Variants in ZBTB16 observed in about 807,000 individuals in gnomAD.
The protein encoded by ZBTB16 is zinc finger and BTB domain containing 16.
A neutral mutation model predicts 56.8 loss-of-function variants in ZBTB16; 8 were observed. The ratio of observed to expected loss-of-function variants is 0.14; its 90% CI spans 0.08 to 0.25. ZBTB16 has a LOEUF of 0.25. Among genes scored for constraint, ZBTB16 ranks in the 10% least tolerant of loss-of-function variants. The pLI, the probability that ZBTB16 is intolerant of heterozygous loss-of-function variation, is 1.00. For missense variants in ZBTB16, 625 were observed against 903.0 expected (o/e 0.69, Z 3.95); for synonymous variants, 363 against 368.5 (o/e 0.98, Z 0.17).
chr11:114,156,196 G>A (rs930783926), intron 2 of ZBTB16, 141 bp from the exon 3 acceptor site: 1 of 773,142 alleles, frequency 1.3e-6, no homozygotes, highest in Non-Finnish European at 2.2e-6. Context: ...AGGATCCAGG[G>A]ATGTGTTTCC....
At chr11:114,242,977 G>C (rs1056756329) in intron 5 of ZBTB16, among the ~76,000 whole-genome samples, 1 of 152,178 alleles carries the variant, frequency 6.6e-6, no homozygotes, top group African/African-American at 2.4e-5. Context: ...ACAAGGTAAG[G>C]AGGCTGGGCC....
chr11:114,098,323 C>T (rs989497640), intron 2 of ZBTB16, among the ~76,000 whole-genome samples: 6 of 152,028 alleles, frequency 3.9e-5, no homozygotes, highest in Admixed American at 2.0e-4. Flanking sequence ...AAGGTAGGGG[C>T]GCACTATATA....
At chr11:114,114,336 A>G (rs1283070982) in intron 2 of ZBTB16, among the ~76,000 whole-genome samples, 9 of 152,214 alleles carry the variant, frequency 5.9e-5, no homozygotes, top group Admixed American at 5.9e-4. Context: ...GGGAGGGACC[A>G]CCGGGCTTCA....
chr11:114,165,688 G>A (rs546862377), intron 3 of ZBTB16, among the ~76,000 whole-genome samples: 1 of 152,182 alleles, frequency 6.6e-6, no homozygotes, highest in Non-Finnish European at 1.5e-5. Flanking sequence ...CAGTGCCAGG[G>A]AGAGGCCTGA....
chr11:114,212,468 G>A (rs1317169213), intron 4 of ZBTB16, among the ~76,000 whole-genome samples: 1 of 152,066 alleles, frequency 6.6e-6, no homozygotes, highest in Non-Finnish European at 1.5e-5. Context: ...CTTTAACATA[G>A]CCACACAAAT....
intron 2 of ZBTB16, among the ~76,000 whole-genome samples, chr11:114,099,546 T>A (rs988232735): frequency 1.3e-5 from 2 of 152,118 alleles, no homozygotes; most frequent in Non-Finnish European, 2.9e-5. Flanking sequence ...TGGTTTTAGT[T>A]TAACCAGTGG....
At chr11:114,174,726 A>G (rs1404765954) in intron 3 of ZBTB16, among the ~76,000 whole-genome samples, 3 of 152,272 alleles carry the variant, frequency 2.0e-5, no homozygotes, top group South Asian at 2.1e-4. Flanking sequence ...GCACTCTTCA[A>G]GAAACCAATT....
chr11:114,128,797 C>G (rs1052790084), intron 2 of ZBTB16, among the ~76,000 whole-genome samples: 1 of 152,192 alleles, frequency 6.6e-6, no homozygotes, highest in Non-Finnish European at 1.5e-5. Flanking sequence ...GGTGGGCACA[C>G]GTCTGTCACC....
At chr11:114,101,645 T>A (rs754603274) in intron 2 of ZBTB16, among the ~76,000 whole-genome samples, 10 of 152,198 alleles carry the variant, frequency 6.6e-5, no homozygotes, top group Non-Finnish European at 1.3e-4. Flanking sequence ...GATTCAGTTT[T>A]CTCTCCTGTG....
intron 4 of ZBTB16, among the ~76,000 whole-genome samples, chr11:114,193,614 T>C (rs532405839): frequency 6.6e-6 from 1 of 152,236 alleles, no homozygotes; most frequent in Admixed American, 6.5e-5. Context: ...CTGAAATCTA[T>C]TTGCCCTCTC....
chr11:114,091,130 C>T (rs1324134591), intron 2 of ZBTB16, among the ~76,000 whole-genome samples: 10 of 152,132 alleles, frequency 6.6e-5, no homozygotes, highest in Non-Finnish European at 2.9e-5. Context: ...GGAAGGATTG[C>T]TTGAGCCCTG....
chr11:114,233,035 C>G (rs1565699611), intron 4 of ZBTB16, among the ~76,000 whole-genome samples: 1 of 149,526 alleles, frequency 6.7e-6, no homozygotes, highest in Non-Finnish European at 1.5e-5. Context: ...CAACTCATCC[C>G]CGGCCCCACC....
chr11:114,242,133 C>G (rs779154571), intron 4 of ZBTB16, 34 bp from the exon 5 acceptor site: 1 of 1,612,912 alleles, frequency 6.2e-7, no homozygotes, highest in East Asian at 2.2e-5. Flanking sequence ...GTATTCCCAC[C>G]TTTCTGAGGC....
intron 2 of ZBTB16, among the ~76,000 whole-genome samples, chr11:114,076,602 A>G (rs1266397878): frequency 6.6e-6 from 1 of 152,152 alleles, no homozygotes; most frequent in African/African-American, 2.4e-5. Flanking sequence ...AACATTTGTG[A>G]GTCTACCTCC....
intron 2 of ZBTB16, among the ~76,000 whole-genome samples, chr11:114,075,081 G>A (rs1472000482): frequency 6.6e-6 from 1 of 152,212 alleles, no homozygotes; most frequent in Non-Finnish European, 1.5e-5. Context: ...GTTGCTGGGA[G>A]TGGGTGGATT....
At chr11:114,231,778 A>T (rs1944445507) in intron 4 of ZBTB16, among the ~76,000 whole-genome samples, 1 of 152,222 alleles carries the variant, frequency 6.6e-6, no homozygotes, top group Non-Finnish European at 1.5e-5. Flanking sequence ...ACTTTGAAAG[A>T]GAAAATGCTG....
chr11:114,132,886 C>G (rs1301648562), intron 2 of ZBTB16, among the ~76,000 whole-genome samples: 1 of 152,092 alleles, frequency 6.6e-6, no homozygotes, highest in Non-Finnish European at 1.5e-5. Context: ...TGTGTCTCCC[C>G]TCCTTTCTCT....
intron 2 of ZBTB16, among the ~76,000 whole-genome samples, chr11:114,074,988 G>A (rs920612151): frequency 6.6e-6 from 1 of 152,334 alleles, no homozygotes; most frequent in African/African-American, 2.4e-5. Flanking sequence ...TGACAGAGCC[G>A]TGTTGTGAGC....
chr11:114,110,180 G>C (rs1249450594), intron 2 of ZBTB16, among the ~76,000 whole-genome samples: 2 of 152,072 alleles, frequency 1.3e-5, no homozygotes, highest in Non-Finnish European at 2.9e-5. Context: ...CCTTTCCACT[G>C]TGCCCCCACC....
Sources: gnomAD v4.1 joint callset for allele counts (sites outside exome capture counted in the v4.1 genomes callset) on GRCh38, gnomAD v4.1.1 for gene constraint, MANE v1.5 for transcripts, NCBI Gene and HGNC (gene_info 2026-07-23, HGNC 2026-07-21) for gene names.